Variants in PKP2 observed in about 807,000 individuals in gnomAD.
The protein encoded by PKP2 is plakophilin 2.
A neutral mutation model predicts 83.4 loss-of-function variants in PKP2; 73 were observed. The observed-to-expected ratio is 0.88, with a 90% confidence interval of 0.72 to 1.06. The LOEUF (loss-of-function observed/expected upper bound fraction) is 1.06, where lower values mean the gene tolerates loss of function less well. Among genes scored for constraint, PKP2 ranks in the 50% least tolerant of loss-of-function variants. PKP2 has a pLI of 0.00. For synonymous variants in PKP2, 409 were observed against 430.4 expected (o/e 0.95, Z 0.62); for missense variants, 966 against 1,065.4 (o/e 0.91, Z 1.30).
At position 32,822,549 on chromosome 12, in the gene PKP2, A is replaced by G. The variant is rs397517011; in HGVS notation, c.1757T>C (p.Ile586Thr). ...CTGGATATTCCGGTTTTGAATATAGATATTCTGGGAATATTTCTCTGGGAG... is the reference window on the plus strand; with the variant it reads ...CTGGATATTCCGGTTTTGAATATAGGTATTCTGGGAATATTTCTCTGGGAG... Reference protein sequence around the residue: ...AELPEKYSQNIYIQNRNIQTD... With the variant: ...AELPEKYSQNTYIQNRNIQTD... Residue 586 changes from isoleucine (I) to threonine (T), a missense_variant, in exon 8 of 13, where the codon ATC (isoleucine) becomes ACC (threonine). By Grantham distance (89) the Ile-to-Thr change is moderately conservative (BLOSUM62 -1). Transcript: ENST00000340811. The G allele has an allele frequency of 2.5e-5, 40 of 1,614,018 alleles. No homozygotes were observed. The highest frequency in any genetic ancestry group is 3.3e-5 in the Non-Finnish European group (39 of 1,179,908).
At chr12:32,851,690 G>A (rs1956697696) in intron 4 of PKP2, among the ~76,000 whole-genome samples, 1 of 152,102 alleles carries the variant, frequency 6.6e-6, no homozygotes, top group Non-Finnish European at 1.5e-5. Context: ...GGATGGTCTC[G>A]ATCTCCTGAC....
intron 8 of PKP2, among the ~76,000 whole-genome samples, chr12:32,822,180 G>A (rs1366013285): frequency 1.3e-5 from 2 of 152,158 alleles, no homozygotes; most frequent in Non-Finnish European, 2.9e-5. Context: ...AAGCAGTACG[G>A]TTCATGGGTA....
intron 6 of PKP2, among the ~76,000 whole-genome samples, chr12:32,836,828 G>A (rs1956549017): frequency 6.6e-6 from 1 of 152,144 alleles, no homozygotes; most frequent in South Asian, 2.1e-4. Flanking sequence ...ACATAAATGA[G>A]CAACTACTCA....
At chr12:32,878,649 T>G in intron 2 of PKP2, 106 bp from the exon 3 acceptor site, 2 of 962,116 alleles carry the variant, frequency 2.1e-6, no homozygotes, top group Non-Finnish European at 1.6e-6. Context: ...TTTCTCTGAA[T>G]CAGATGACGA....
At chr12:32,871,756 GC>G (rs1956898336) in intron 3 of PKP2, among the ~76,000 whole-genome samples, 1 of 152,020 alleles carries the variant, frequency 6.6e-6, no homozygotes, top group African/African-American at 2.4e-5. Context: ...GGGCCACCGT[GC>G]CCAGCCACAT....
intron 4 of PKP2, among the ~76,000 whole-genome samples, chr12:32,856,627 T>G (rs1956751577): frequency 6.6e-6 from 1 of 151,688 alleles, no homozygotes; most frequent in Non-Finnish European, 1.5e-5. Context: ...AGGGGAGGGA[T>G]AGCATTAGGA....
chr12:32,831,638 C>T (rs567230301), intron 6 of PKP2, among the ~76,000 whole-genome samples: 2 of 152,160 alleles, frequency 1.3e-5, no homozygotes, highest in South Asian at 4.2e-4. Context: ...TGTATTGTTC[C>T]TATTCATGTA....
At chr12:32,843,668 T>C (rs1956621687) in intron 5 of PKP2, among the ~76,000 whole-genome samples, 1 of 152,160 alleles carries the variant, frequency 6.6e-6, no homozygotes, top group Non-Finnish European at 1.5e-5. Context: ...TGAGGAGGTA[T>C]TTTCCTGATC....
At chr12:32,848,997 T>C (rs1009004040) in intron 5 of PKP2, among the ~76,000 whole-genome samples, 6 of 144,186 alleles carry the variant, frequency 4.2e-5, no homozygotes, top group Admixed American at 3.5e-4. Flanking sequence ...TGTCAACTAT[T>C]ACACAGTTAA....
chr12:32,873,521 T>A (rs939262033), intron 3 of PKP2, among the ~76,000 whole-genome samples: 4 of 152,094 alleles, frequency 2.6e-5, no homozygotes, highest in Admixed American at 2.6e-4. Context: ...TCAATTTTCA[T>A]CTTTTATTTA....
At chr12:32,873,720 G>C (rs935289665) in intron 3 of PKP2, among the ~76,000 whole-genome samples, 2 of 151,964 alleles carry the variant, frequency 1.3e-5, no homozygotes, top group African/African-American at 2.4e-5. Flanking sequence ...AGTAGAGACG[G>C]GTTTTCACCA....
intron 6 of PKP2, among the ~76,000 whole-genome samples, chr12:32,826,214 G>A (rs1956439430): frequency 6.6e-6 from 1 of 151,276 alleles, no homozygotes; most frequent in Non-Finnish European, 1.5e-5. Context: ...GCTGAGGCAG[G>A]AGAATGGTGT....
At chr12:32,817,902 T>A (rs1956334678) in intron 9 of PKP2, among the ~76,000 whole-genome samples, 1 of 152,122 alleles carries the variant, frequency 6.6e-6, no homozygotes, top group African/African-American at 2.4e-5. Context: ...GAGCTCCACT[T>A]CCTGTCAGAT....
At chr12:32,818,790 A>C (rs1228134273) in intron 9 of PKP2, among the ~76,000 whole-genome samples, 1 of 152,202 alleles carries the variant, frequency 6.6e-6, no homozygotes, top group African/African-American at 2.4e-5. Context: ...AGTTACGATC[A>C]CATGGCCAAT....
rs552531242 is a variant in PKP2, at chr12:32,804,662, TG to T, written c.2014-2107del. ...CTTTTTATGGCTGCACAGTATTCCA[TG>T]GTGTGTATGTATGACATTTTCTTTA... is the stretch of plus-strand genomic sequence containing the variant. On this transcript the variant is annotated intron_variant, in intron 9 of 12. Coordinates refer to ENST00000340811, the MANE Select transcript of PKP2 (RefSeq NM_001005242.3). 3.4e-3 allele frequency among the ~76,000 whole-genome samples: 512 copies of T among 152,332 alleles called. 3 individuals are homozygous for T. Among genetic ancestry groups the T allele is most frequent in the African/African-American group, 0.012 (492 of 41,574 alleles).
intron 9 of PKP2, among the ~76,000 whole-genome samples, chr12:32,807,991 T>C (rs1484401580): frequency 6.6e-6 from 1 of 152,158 alleles, no homozygotes; most frequent in Non-Finnish European, 1.5e-5. Flanking sequence ...TGGAATCTGA[T>C]AAGTATGTGT....
chr12:32,860,330 G>A (rs1190365139), intron 4 of PKP2, among the ~76,000 whole-genome samples: 4 of 152,180 alleles, frequency 2.6e-5, no homozygotes. Flanking sequence ...CATGTGGTAT[G>A]AGGAAACTGT....
chr12:32,880,256 C>T (rs1438014219), intron 1 of PKP2, among the ~76,000 whole-genome samples: 1 of 151,232 alleles, frequency 6.6e-6, no homozygotes, highest in African/African-American at 2.4e-5. Context: ...AAAAATTAGT[C>T]GGGGGTGGTG....
intron 4 of PKP2, among the ~76,000 whole-genome samples, chr12:32,858,064 C>CAA (rs777690496): frequency 0.013 from 355 of 27,360 alleles, 34 homozygotes; most frequent in African/African-American, 0.038. Flanking sequence ...CCCATCTCTA[C>CAA]AAAAAAAAAA....
Sources: gnomAD v4.1 joint callset for allele counts (sites outside exome capture counted in the v4.1 genomes callset) on GRCh38, gnomAD v4.1.1 for gene constraint, MANE v1.5 for transcripts, NCBI Gene and HGNC (gene_info 2026-07-23, HGNC 2026-07-21) for gene names.